The following ATXN7L1 variants were observed in gnomAD, a reference collection of about 807,000 sequenced individuals.
ATXN7L1 encodes ataxin 7 like 1.
A neutral mutation model predicts 70.8 loss-of-function variants in ATXN7L1; 15 were observed. The observed-to-expected ratio is 0.21, with a 90% CI of 0.14 to 0.33. The LOEUF is 0.33. ATXN7L1 is among the 10% of genes least tolerant of loss of function. The pLI, the probability that ATXN7L1 is intolerant of heterozygous loss-of-function variation, is 1.00. For synonymous variants in ATXN7L1, 440 were observed against 445.1 expected (o/e 0.99, Z 0.14); for missense variants, 975 against 1,097.1 (o/e 0.89, Z 1.57).
At chr7:105,761,286 C>A in intron 3 of ATXN7L1, 1 of 1,591,158 alleles carries the variant, frequency 6.3e-7, no homozygotes, top group Middle Eastern at 1.8e-4. Flanking sequence ...CAGGGCTCTG[C>A]TGGAGTCTCC....
intron 11 of ATXN7L1, among the ~76,000 whole-genome samples, chr7:105,609,703 C>T (rs1052644128): frequency 2.0e-5 from 3 of 152,006 alleles, no homozygotes; most frequent in Non-Finnish European, 4.4e-5. Flanking sequence ...CTCAAACCAT[C>T]CTCCTGCCTC....
chr7:105,821,668 G>A (rs1221357842), intron 2 of ATXN7L1, among the ~76,000 whole-genome samples: 1 of 152,238 alleles, frequency 6.6e-6, no homozygotes, highest in African/African-American at 2.4e-5. Flanking sequence ...TTGTGGCTCC[G>A]CCATGATTGT....
intron 4 of ATXN7L1, among the ~76,000 whole-genome samples, chr7:105,651,519 G>A (rs1050261823): frequency 2.6e-5 from 4 of 152,208 alleles, no homozygotes; most frequent in African/African-American, 9.6e-5. Flanking sequence ...TGGACAGGGT[G>A]GAGGCAGAAG....
At chr7:105,866,583 G>A (rs373859666) in intron 2 of ATXN7L1, among the ~76,000 whole-genome samples, 10 of 152,158 alleles carry the variant, frequency 6.6e-5, no homozygotes, top group African/African-American at 9.7e-5. Context: ...TAGTTCAAGC[G>A]CCTCAGGGTC....
intron 2 of ATXN7L1, among the ~76,000 whole-genome samples, chr7:105,827,614 A>G (rs1173578745): frequency 6.6e-6 from 1 of 152,186 alleles, no homozygotes; most frequent in East Asian, 1.9e-4. Context: ...CGGGTTCCGC[A>G]AGGCCGACTG....
intron 3 of ATXN7L1, among the ~76,000 whole-genome samples, chr7:105,745,381 T>G (rs574368999): frequency 6.6e-6 from 1 of 152,226 alleles, no homozygotes; most frequent in Non-Finnish European, 1.5e-5. Flanking sequence ...TCTTTCCTCT[T>G]TCTCTTTTAA....
intron 3 of ATXN7L1, among the ~76,000 whole-genome samples, chr7:105,742,678 A>T (rs1798142736): frequency 6.6e-6 from 1 of 152,214 alleles, no homozygotes; most frequent in African/African-American, 2.4e-5. Flanking sequence ...CTGGGCAGGC[A>T]CTTTCCAAAC....
intron 2 of ATXN7L1, among the ~76,000 whole-genome samples, chr7:105,874,092 T>G (rs964322110): frequency 7.3e-6 from 1 of 136,476 alleles, no homozygotes; most frequent in African/African-American, 2.9e-5. Context: ...ACCACTGTAC[T>G]CCAGCCTGGC....
In ATXN7L1 at chr7:105,775,977, T is replaced by A. The variant is rs555303221; in HGVS notation, c.355+12627A>T. Among the ~76,000 whole-genome samples, 3 of 152,280 alleles carry A rather than the reference T, an allele frequency of 2.0e-5. No individual in the cohort carries two copies. In the South Asian group the frequency reaches 6.2e-4, roughly 32 times the overall value. ...AAGGGTATGCATCTACCCAAACCCTTGTTCTTCGTATGGGCTCACTGTTCC... is the reference window on the plus strand; with the variant it reads ...AAGGGTATGCATCTACCCAAACCCTAGTTCTTCGTATGGGCTCACTGTTCC... On this transcript the variant is annotated intron_variant, in intron 3 of 11. Coordinates refer to ENST00000419735, the MANE Select transcript of ATXN7L1 (RefSeq NM_020725.2).
At chr7:105,812,642 C>A (rs931738094) in intron 2 of ATXN7L1, among the ~76,000 whole-genome samples, 1 of 152,176 alleles carries the variant, frequency 6.6e-6, no homozygotes, top group African/African-American at 2.4e-5. Flanking sequence ...GGCCCACTCA[C>A]TGTACAGATA....
intron 9 of ATXN7L1, among the ~76,000 whole-genome samples, chr7:105,619,881 G>A (rs757478157): frequency 1.3e-5 from 2 of 151,568 alleles, no homozygotes; most frequent in African/African-American, 2.4e-5. Context: ...AACATCCTTA[G>A]ATTCTCTAGG....
intron 3 of ATXN7L1, among the ~76,000 whole-genome samples, chr7:105,684,499 T>A (rs1487921420): frequency 6.6e-6 from 1 of 152,224 alleles, no homozygotes; most frequent in Non-Finnish European, 1.5e-5. Context: ...AGAGATCCAA[T>A]CTAGATTTTT....
At chr7:105,678,691 A>G (rs1267727483) in intron 3 of ATXN7L1, among the ~76,000 whole-genome samples, 1 of 152,156 alleles carries the variant, frequency 6.6e-6, no homozygotes, top group Non-Finnish European at 1.5e-5. Flanking sequence ...ACACGCCGGG[A>G]AGGTTCATTG....
At chr7:105,678,109 T>TTTTC in intron 3 of ATXN7L1, 2 of 600,530 alleles carry the variant, frequency 3.3e-6, no homozygotes, top group Non-Finnish European at 2.1e-6. Flanking sequence ...TTTTTTTTTT[T>TTTTC]CCTTTCTGGC....
At chr7:105,779,114 G>A (rs143436112) in intron 3 of ATXN7L1, among the ~76,000 whole-genome samples, 1 of 152,348 alleles carries the variant, frequency 6.6e-6, no homozygotes, top group African/African-American at 2.4e-5. Context: ...TATAACTGAT[G>A]TAGTAGTTAA....
chr7:105,790,674 A>ATCTAT (rs1554464837), intron 2 of ATXN7L1, among the ~76,000 whole-genome samples: 1,733 of 112,810 alleles, frequency 0.015, 36 homozygotes, highest in Admixed American at 0.017. Flanking sequence ...CTATCTATCT[A>ATCTAT]CTATCTATCT....
rs1441312468 is a variant in ATXN7L1, at chr7:105,628,680, C to T, written c.1203-4413G>A. On this transcript the variant is annotated intron_variant, in intron 7 of 11. Coordinates refer to ENST00000419735, the MANE Select transcript of ATXN7L1 (RefSeq NM_020725.2). Reference sequence around the variant, plus strand: ...TGGTGGCGGGCACCTGTAGTCCCAGCTACTCGGGAGGCTGAGGCAGGAGAA... The same window carrying T: ...TGGTGGCGGGCACCTGTAGTCCCAGTTACTCGGGAGGCTGAGGCAGGAGAA... Among the ~76,000 whole-genome samples the T allele has an allele frequency of 5.3e-5, 8 of 151,972 alleles. No individual in the cohort carries two copies. The East Asian group carries it at 7.7e-4, about 15-fold the overall frequency.
chr7:105,785,074 G>T (rs560368593), intron 3 of ATXN7L1, among the ~76,000 whole-genome samples: 4 of 152,172 alleles, frequency 2.6e-5, no homozygotes, highest in Non-Finnish European at 4.4e-5. Context: ...ATCAGACCTC[G>T]GGCAAAGCAC....
chr7:105,712,482 C>A (rs570046333), intron 3 of ATXN7L1, among the ~76,000 whole-genome samples: 1 of 152,198 alleles, frequency 6.6e-6, no homozygotes, highest in South Asian at 2.1e-4. Flanking sequence ...CTTTGTTCAG[C>A]ACATGAGCAT....
Sources: gnomAD v4.1 joint callset for allele counts (sites outside exome capture counted in the v4.1 genomes callset) on GRCh38, gnomAD v4.1.1 for gene constraint, MANE v1.5 for transcripts, NCBI Gene and HGNC (gene_info 2026-07-23, HGNC 2026-07-21) for gene names.